Variants in GASK1A observed in about 807,000 individuals in gnomAD.
The protein encoded by GASK1A is golgi associated kinase 1A.
GASK1A carries 40 observed loss-of-function variants against 41.2 expected under a neutral mutation model. That is an observed-to-expected ratio of 0.97 (90% CI 0.75 to 1.27). The LOEUF (loss-of-function observed/expected upper bound fraction) is 1.27. Ranked by LOEUF, GASK1A falls within the 50% of genes most tolerant of loss-of-function variation. The pLI is 0.00. For missense variants in GASK1A, 678 were observed against 745.1 expected, an observed-to-expected ratio of 0.91 and a Z score of 1.05; for synonymous variants, 316 against 307.1, an observed-to-expected ratio of 1.03 and a Z score of -0.30.
intron 1 of GASK1A, among the ~76,000 whole-genome samples, chr3:42,993,714 C>G (rs180951868): frequency 6.6e-6 from 1 of 152,280 alleles, no homozygotes; most frequent in East Asian, 1.9e-4. Flanking sequence ...TCCCCAGCCT[C>G]TACTCCACGG....
At chr3:43,026,328 C>T (rs553116741) in intron 1 of GASK1A, among the ~76,000 whole-genome samples, 3 of 152,298 alleles carry the variant, frequency 2.0e-5, no homozygotes, top group East Asian at 3.9e-4. Flanking sequence ...CACCGGGGTT[C>T]TACAGGAACC....
intron 2 of GASK1A, among the ~76,000 whole-genome samples, chr3:43,038,067 C>T (rs756583056): frequency 4.6e-5 from 7 of 152,146 alleles, no homozygotes; most frequent in Non-Finnish European, 7.3e-5. Context: ...ATCATACGTA[C>T]TTTACGAGCA....
chr3:43,009,457 T>C (rs985786053), intron 1 of GASK1A, among the ~76,000 whole-genome samples: 16 of 152,188 alleles, frequency 1.1e-4, no homozygotes, highest in African/African-American at 3.6e-4. Context: ...CTTTCCCCCA[T>C]GTGCCCTGAA....
Position 43,056,191 on chromosome 3 carries a change from C to T in GASK1A, c.1533C>T (p.Ala511=), listed in dbSNP as rs760277014. ...LEGIDGFPES[A]VKVLASGCLQ... ...TTTGCTCCAGGTTTCCTGAGTCTGC[C>T]GTGAAGGTTCTCGCATCAGGGTGTC... The change falls in exon 5 of 5, where the codon GCC becomes GCT. Residue 511 remains alanine (A), a synonymous_variant. Transcript: ENST00000430121. The T allele has an allele frequency of 1.0e-5, 16 of 1,550,888 alleles. No individual in the cohort carries two copies. The South Asian group carries it at 1.4e-4, about 14-fold the overall frequency.
chr3:42,995,926 C>T (rs571982025), intron 1 of GASK1A, among the ~76,000 whole-genome samples: 1 of 152,290 alleles, frequency 6.6e-6, no homozygotes, highest in East Asian at 1.9e-4. Flanking sequence ...ACAAAGGCAG[C>T]CAGAGAAAAT....
chr3:43,019,185 G>A (rs2089509220), intron 1 of GASK1A, among the ~76,000 whole-genome samples: 1 of 152,220 alleles, frequency 6.6e-6, no homozygotes, highest in South Asian at 2.1e-4. Flanking sequence ...GGCTGAGCCA[G>A]AAATTACAGG....
At chr3:42,997,712 A>C (rs2089384206) in intron 1 of GASK1A, among the ~76,000 whole-genome samples, 1 of 152,206 alleles carries the variant, frequency 6.6e-6, no homozygotes, top group South Asian at 2.1e-4. Flanking sequence ...CAGTTATCTC[A>C]TTTAATTAGC....
At chr3:43,046,360 T>G (rs2125690954) in intron 2 of GASK1A, among the ~76,000 whole-genome samples, 1 of 152,380 alleles carries the variant, frequency 6.6e-6, no homozygotes, top group East Asian at 1.9e-4. Flanking sequence ...GGCGGCATTT[T>G]GCCCCTGCCC....
Position 43,032,778 on chromosome 3 carries a change from G to A in GASK1A, c.515G>A (p.Ser172Asn). The A allele has an allele frequency of 1.3e-6, 2 of 1,551,040 alleles. No individual in the cohort carries two copies. The highest frequency in any genetic ancestry group is 2.7e-5 in the African/African-American group (2 of 73,178). The change falls in exon 2 of 5, where the codon AGT becomes AAT. Residue 172 changes from serine to asparagine, a missense_variant. Ser to Asn is a conservative substitution (Grantham distance 46, BLOSUM62 1). Coordinates refer to ENST00000430121, the MANE Select transcript of GASK1A (RefSeq NM_001129908.3). Reference sequence around the variant, plus strand: ...CAGAGTGAGGTGGTCACCCTGGTCAGTCCACTCCCAGGGAGTGACATGGCA... The same window carrying A: ...CAGAGTGAGGTGGTCACCCTGGTCAATCCACTCCCAGGGAGTGACATGGCA... ...ETQSEVVTLV[S>N]PLPGSDMAAL...
At chr3:43,021,990 C>T (rs1175715436) in intron 1 of GASK1A, among the ~76,000 whole-genome samples, 2 of 152,210 alleles carry the variant, frequency 1.3e-5, no homozygotes, top group Non-Finnish European at 2.9e-5. Context: ...CTCCATTTCT[C>T]TTTCCCTCCT....
At chr3:43,005,207 C>A (rs113013869) in intron 1 of GASK1A, among the ~76,000 whole-genome samples, 1 of 152,136 alleles carries the variant, frequency 6.6e-6, no homozygotes, top group Non-Finnish European at 1.5e-5. Flanking sequence ...CGTCCGAATC[C>A]CTCTAACCAC....
Position 43,032,976 on chromosome 3 carries a change from G to T in GASK1A, c.713G>T (p.Gly238Val). ...QWPGSVEKLQ[G>V]SVWCDAETLL... ...CCTGGCTCTGTTGAGAAGCTGCAAG[G>T]GTCAGTATGGTGTGATGCTGAGACG... Residue 238 changes from glycine (G) to valine (V), a missense_variant, in exon 2 of 5, where the codon GGG becomes GTG. Transcript: ENST00000430121. 1.3e-6 allele frequency: 2 copies of T among 1,551,442 alleles called. No individual in the cohort carries two copies. Among genetic ancestry groups the T allele is most frequent in the Admixed American group, 3.9e-5 (2 of 50,938 alleles).
In GASK1A at chr3:43,032,315, G is replaced by A. The variant is rs1476720952; in HGVS notation, c.52G>A (p.Ala18Thr). 6.5e-7 allele frequency: 1 copy of A among 1,546,304 alleles called. No individual in the cohort carries two copies. The highest frequency in any genetic ancestry group is 2.0e-5 in the Admixed American group (1 of 50,738). The change falls in exon 2 of 5, where the codon GCG (alanine) becomes ACG (threonine). Residue 18 changes from alanine to threonine, a missense_variant. Coordinates refer to ENST00000430121, the MANE Select transcript of GASK1A (RefSeq NM_001129908.3). ...KLRGKRRPVI[A>T]FCLLMILSAM... ...GCGTGGCAAGAGGCGGCCAGTGATA[G>A]CGTTCTGCCTCTTGATGATCCTATC...
At chr3:43,011,116 A>G (rs375852188) in intron 1 of GASK1A, among the ~76,000 whole-genome samples, 14 of 152,278 alleles carry the variant, frequency 9.2e-5, no homozygotes, top group South Asian at 6.2e-4. Flanking sequence ...AGGCATGGTG[A>G]CTCACGCCTG....
In GASK1A at chr3:43,056,393, C is replaced by T. The variant is rs2089716735; in HGVS notation, c.*7C>T. On this transcript the variant is annotated 3_prime_UTR_variant, in exon 5 of 5. Coordinates refer to ENST00000430121, the MANE Select transcript of GASK1A (RefSeq NM_001129908.3). ...CAGGGACGAGGACCCATAAGCCGCA[C>T]ACAGCCCTGAGTCAATGAGCATCCA... 6.5e-7 allele frequency: 1 copy of T among 1,532,724 alleles called. No homozygotes were observed. The highest frequency in any genetic ancestry group is 8.8e-7 in the Non-Finnish European group (1 of 1,136,592). The allele number at this position is 1,532,724 out of a possible 1,614,324, so 94.9% of individuals were successfully genotyped here. A position where few individuals can be genotyped will look rare whatever the true frequency, so the allele number is the denominator to read the frequency against.
At chr3:43,033,625 C>T (rs1054241878) in intron 2 of GASK1A, 72 bp downstream of exon 2, 11 of 1,359,056 alleles carry the variant, frequency 8.1e-6, no homozygotes, top group Non-Finnish European at 8.8e-6. Context: ...GCCTGAATTG[C>T]CCACCTGAGG....
chr3:43,007,720 A>G (rs2089443693), intron 1 of GASK1A, among the ~76,000 whole-genome samples: 1 of 149,970 alleles, frequency 6.7e-6, no homozygotes, highest in African/African-American at 2.4e-5. Flanking sequence ...TTTAAAAATA[A>G]GAACACTTTA....
rs760910987 is a variant in GASK1A at position 43,033,560 on chromosome 3, G to A, written c.1290+7G>A. 2.4e-5 allele frequency: 37 copies of A among 1,520,224 alleles called. No homozygotes were observed. The East Asian group carries it at 7.9e-4, about 32-fold the overall frequency. 94.2% of individuals were successfully genotyped at this position (1,520,224 alleles called of 1,614,324 possible). Reference sequence around the variant, plus strand: ...CTTCGACTTCCTGTTGCAGGTAGGTGGGGTTGGGCAGCAGGGGTAGAGAGC... The same window carrying A: ...CTTCGACTTCCTGTTGCAGGTAGGTAGGGTTGGGCAGCAGGGGTAGAGAGC... On this transcript the variant is annotated splice_region_variant and intron_variant, in intron 2 of 4. Transcript: ENST00000430121.
intron 1 of GASK1A, among the ~76,000 whole-genome samples, chr3:43,005,458 A>G (rs1030440900): frequency 6.6e-6 from 1 of 152,232 alleles, no homozygotes; most frequent in Non-Finnish European, 1.5e-5. Flanking sequence ...GACATGAGTC[A>G]TCCCTTTGTC....
Sources: gnomAD v4.1 joint callset for allele counts (sites outside exome capture counted in the v4.1 genomes callset) on GRCh38, gnomAD v4.1.1 for gene constraint, MANE v1.5 for transcripts, NCBI Gene and HGNC (gene_info 2026-07-23, HGNC 2026-07-21) for gene names.